Variants in TWF1 observed in about 807,000 individuals in gnomAD.
The protein encoded by TWF1 is twinfilin actin binding protein 1.
Under a neutral mutation model 47.9 loss-of-function variants are expected in TWF1, and 14 were observed. The observed-to-expected ratio is 0.29, with a 90% CI of 0.19 to 0.46. TWF1 has a LOEUF of 0.46. Ranked by LOEUF, TWF1 falls within the 20% of genes least tolerant of loss-of-function variation. The pLI, the probability that TWF1 is intolerant of heterozygous loss-of-function variation, is 1.00. For missense variants in TWF1, 281 were observed against 409.3 expected, an observed-to-expected ratio of 0.69 and a Z score of 2.70; for synonymous variants, 96 against 139.2, an observed-to-expected ratio of 0.69 and a Z score of 2.18.
chr12:43,805,885 C>T (rs1248252506), intron 1 of TWF1: 1 of 1,455,076 alleles, frequency 6.9e-7, no homozygotes, highest in Admixed American at 1.8e-5. Context: ...CCAGCTCTTC[C>T]CTACGTGACC....
At chr12:43,801,882 T>G (rs1942668020) in intron 3 of TWF1, among the ~76,000 whole-genome samples, 1 of 152,014 alleles carries the variant, frequency 6.6e-6, no homozygotes, top group Admixed American at 6.6e-5. Context: ...ATATAAAAAT[T>G]AGCTGGGCGT....
At position 43,795,634 on chromosome 12, in the gene TWF1, A is replaced by C. The variant is rs1565698282; in HGVS notation, c.1004T>G (p.Ile335Ser). The change falls in exon 9 of 9, where the codon ATT (isoleucine) becomes AGT (serine). Residue 335 changes from isoleucine (I) to serine (S), a missense_variant. Ile to Ser is a moderately radical substitution (Grantham distance 142, BLOSUM62 -2). Transcript: ENST00000395510. ...CGCTGGGCCCCTAATTAGTCTTCGA[A>C]TTCCTCTTTTTCCTGCAGGACCTTT... ...KPKGPAGKRG[I>S]RRLIRGPAET... The C allele has an allele frequency of 2.5e-6, 4 of 1,612,740 alleles. No individual in the cohort carries two copies. Among genetic ancestry groups the C allele is most frequent in the Middle Eastern group, 2.0e-4 (1 of 5,064 alleles).
At position 43,799,478 on chromosome 12, in the gene TWF1, T is replaced by C. The variant is rs1208722996; in HGVS notation, c.403A>G (p.Lys135Glu). Residue 135 changes from lysine (K) to glutamate (E), a missense_variant, in exon 5 of 9, where the codon AAA (lysine) becomes GAA (glutamate). Lys to Glu is a moderately conservative substitution (Grantham distance 56). Transcript: ENST00000395510. ...GAAGATTGTGACAGCAAGTATTTTT[T>C]ATATCCATGTAATGATACATCTTCC... ...VKEDVSLHGY[K>E]KYLLSQSSPA... 6.2e-7 allele frequency: 1 copy of C among 1,606,230 alleles called. No homozygotes were observed. Among genetic ancestry groups the C allele is most frequent in the South Asian group, 1.1e-5 (1 of 90,336 alleles).
intron 2 of TWF1, 118 bp from the exon 3 acceptor site, chr12:43,802,582 A>G (rs1222954034): frequency 9.3e-6 from 7 of 754,428 alleles, no homozygotes; most frequent in Non-Finnish European, 1.5e-5. Flanking sequence ...TTCACATCAA[A>G]AAGTTGAAAA....
chr12:43,805,385 C>G (rs1344801682), intron 1 of TWF1: 1 of 352,128 alleles, frequency 2.8e-6, no homozygotes, highest in East Asian at 7.5e-5. Flanking sequence ...AAAATCTTTA[C>G]GAATAAAACA....
At chr12:43,799,335 A>T in intron 5 of TWF1, 63 bp downstream of exon 5, 1 of 1,058,700 alleles carries the variant, frequency 9.4e-7, no homozygotes, top group Non-Finnish European at 1.4e-6. Context: ...CACATCTATT[A>T]ATTAAAAATA....
intron 2 of TWF1, among the ~76,000 whole-genome samples, chr12:43,803,941 T>A (rs1942708223): frequency 6.6e-6 from 1 of 152,108 alleles, no homozygotes; most frequent in Non-Finnish European, 1.5e-5. Flanking sequence ...CTGCCTGATT[T>A]AAAAGATTCT....
intron 6 of TWF1, 62 bp from the exon 7 acceptor site, chr12:43,797,514 TATA>T: frequency 1.4e-6 from 2 of 1,424,064 alleles, no homozygotes; most frequent in African/African-American, 1.5e-5. Flanking sequence ...AGTTAAAACA[TATA>T]ATAAAAAGAC....
chr12:43,797,340 T>C lies in TWF1; in HGVS notation c.722A>G (p.Tyr241Cys). ...ATAGTCTCCTTCATGGGAATGTTTATACAGAAAGAAATGGTAACGAGCTGA... is the reference window on the plus strand; with the variant it reads ...ATAGTCTCCTTCATGGGAATGTTTACACAGAAAGAAATGGTAACGAGCTGA... ...KDSARYHFFLYKHSHEGDYLE... is the reference protein window; with the variant it reads ...KDSARYHFFLCKHSHEGDYLE... The change falls in exon 7 of 9, where the codon TAT (tyrosine) becomes TGT (cysteine). Residue 241 changes from tyrosine (Y) to cysteine (C), a missense_variant. Coordinates refer to ENST00000395510, the MANE Select transcript of TWF1 (RefSeq NM_002822.5). 3.1e-6 allele frequency: 5 copies of C among 1,604,054 alleles called. No homozygotes were observed. Among genetic ancestry groups the C allele is most frequent in the Non-Finnish European group, 3.4e-6 (4 of 1,176,224 alleles).
At position 43,800,413 on chromosome 12, in the gene TWF1, AATCCACATACAAAC is replaced by A. The variant is rs1183985379; in HGVS notation, c.378+8_378+21del. The stretch of plus-strand genomic sequence containing the variant: ...TAATCATTTTAATTGCAACATATAG[AATCCACATACAAAC>A]ATAATACCTTTACTGTTCCAAATAC... On this transcript the variant is annotated splice_region_variant and intron_variant, in intron 4 of 8. Transcript: ENST00000395510. The A allele has an allele frequency of 6.4e-7, 1 of 1,569,272 alleles. No homozygotes were observed. Among genetic ancestry groups the A allele is most frequent in the Non-Finnish European group, 8.7e-7 (1 of 1,145,700 alleles).
chr12:43,797,248 G>A, intron 7 of TWF1, 54 bp downstream of exon 7: 1 of 1,516,480 alleles, frequency 6.6e-7, no homozygotes, highest in Non-Finnish European at 8.9e-7. Context: ...ATATAGGGCT[G>A]ATACACCAAT....
At chr12:43,805,923 G>A in intron 1 of TWF1, 1 of 1,514,434 alleles carries the variant, frequency 6.6e-7, no homozygotes, top group Non-Finnish European at 8.9e-7. Context: ...GCGACTGTCG[G>A]GGACGGTGGA....
chr12:43,798,572 T>C (rs1204189964), intron 5 of TWF1: 1 of 1,526,402 alleles, frequency 6.6e-7, no homozygotes. Context: ...TACCCCAATA[T>C]GATCCTCTGG....
rs535401945 is a variant in TWF1, at chr12:43,806,069, G to C, written c.25+152C>G. 6.6e-6 allele frequency: 10 copies of C among 1,517,560 alleles called. No individual in the cohort carries two copies. The African/African-American group carries it at 1.1e-4, about 17-fold the overall frequency. The allele number at this position is 1,517,560 out of a possible 1,614,324, so 94.0% of individuals were successfully genotyped here. The stretch of plus-strand genomic sequence containing the variant: ...CAGGCCGGCAGCGCCCGGGAAGCAG[G>C]AGCGCGGAGAGGCGCCGAGGCCCGG... On this transcript the variant is annotated intron_variant, in intron 1 of 8. Transcript: ENST00000395510.
chr12:43,793,928 T>C lies in TWF1; in HGVS notation c.*1657A>G, dbSNP rs1942506839. 2 of 152,694 alleles carry C rather than the reference T, an allele frequency of 1.3e-5. No individual in the cohort carries two copies. Among genetic ancestry groups the C allele is most frequent in the Admixed American group, 6.5e-5 (1 of 15,292 alleles). 9.5% of individuals were successfully genotyped at this position (152,694 alleles called of 1,614,324 possible). ...TGATTTTCAGCAATCATTGGTTTAA[T>C]AATAATTAGTTTAAGACTATAATCA... On this transcript the variant is annotated 3_prime_UTR_variant, in exon 9 of 9. Transcript: ENST00000395510.
intron 1 of TWF1, chr12:43,805,884 C>T: frequency 6.9e-7 from 1 of 1,453,884 alleles, no homozygotes; most frequent in South Asian, 1.1e-5. Context: ...CCCAGCTCTT[C>T]CCTACGTGAC....
intron 2 of TWF1, chr12:43,804,206 A>G (rs1383023934): frequency 2.1e-6 from 1 of 467,916 alleles, no homozygotes; most frequent in East Asian, 6.0e-5. Flanking sequence ...CAGAGATGGA[A>G]GCACTGACAT....
intron 2 of TWF1, 126 bp from the exon 3 acceptor site, chr12:43,802,590 A>T (rs1371698729): frequency 1.4e-6 from 1 of 724,020 alleles, no homozygotes; most frequent in Non-Finnish European, 2.3e-6. Context: ...AAAAAGTTGA[A>T]AAGAAAAATG....
intron 6 of TWF1, 87 bp from the exon 7 acceptor site, chr12:43,797,539 G>A: frequency 7.3e-7 from 1 of 1,363,566 alleles, no homozygotes; most frequent in East Asian, 2.5e-5. Flanking sequence ...AAGAGATAAA[G>A]GAGGAACTTA....
Sources: gnomAD v4.1 joint callset for allele counts (sites outside exome capture counted in the v4.1 genomes callset) on GRCh38, gnomAD v4.1.1 for gene constraint, MANE v1.5 for transcripts, NCBI Gene and HGNC (gene_info 2026-07-23, HGNC 2026-07-21) for gene names.